CSMD1: variants seen among roughly 807,000 people sequenced by gnomAD.
CSMD1 encodes CUB and Sushi multiple domains 1, also known as CUB and sushi domain-containing protein 1.
CSMD1 carries 213 observed loss-of-function variants against 417.5 expected under a neutral mutation model. That is an observed-to-expected ratio of 0.51 (90% CI 0.46 to 0.57). The LOEUF (loss-of-function observed/expected upper bound fraction) is 0.57. CSMD1 is among the 20% of genes least tolerant of loss of function. The probability of loss-of-function intolerance (pLI) is 0.00; values close to 1 mark genes in which losing one functional copy is unlikely to be tolerated. For missense variants in CSMD1, 6,923 were observed against 4,529.7 expected (o/e 1.53, Z -15.17); for synonymous variants, 2,862 against 1,736.8 (o/e 1.65, Z -16.11).
chr8:4,666,762 T>C (rs1357507516), intron 1 of CSMD1, among the ~76,000 whole-genome samples: 5 of 152,202 alleles, frequency 3.3e-5, no homozygotes. Context: ...CTTCATCAGA[T>C]ATGTATTTTG....
At chr8:3,284,562 C>T (rs1051814715) in intron 25 of CSMD1, 2 of 554,634 alleles carry the variant, frequency 3.6e-6, no homozygotes, top group East Asian at 3.1e-5. Flanking sequence ...CTCAGTCTGT[C>T]ATGGACGCAG....
At chr8:4,214,502 T>G (rs1020432752) in intron 3 of CSMD1, among the ~76,000 whole-genome samples, 1 of 152,344 alleles carries the variant, frequency 6.6e-6, no homozygotes, top group East Asian at 1.9e-4. Context: ...CTTCCTCTGT[T>G]GCCCAGGTTG....
intron 1 of CSMD1, among the ~76,000 whole-genome samples, chr8:4,861,641 G>A (rs141865067): frequency 2.0e-5 from 3 of 152,174 alleles, no homozygotes; most frequent in South Asian, 4.1e-4. Flanking sequence ...AAATATATAT[G>A]CATTTAAAAC....
At chr8:3,666,832 A>C (rs1585042853) in intron 7 of CSMD1, among the ~76,000 whole-genome samples, 1 of 152,288 alleles carries the variant, frequency 6.6e-6, no homozygotes, top group African/African-American at 2.4e-5. Flanking sequence ...GAGTCCATTA[A>C]ATCTCTTTTT....
At chr8:4,527,165 C>A (rs1267742314) in intron 2 of CSMD1, among the ~76,000 whole-genome samples, 1 of 152,120 alleles carries the variant, frequency 6.6e-6, no homozygotes, top group African/African-American at 2.4e-5. Context: ...GACATAAGTG[C>A]ACATATAATT....
intron 3 of CSMD1, among the ~76,000 whole-genome samples, chr8:4,413,433 T>A (rs1382511138): frequency 6.6e-6 from 1 of 152,198 alleles, no homozygotes; most frequent in Non-Finnish European, 1.5e-5. Context: ...TTAGGGCAGT[T>A]CAGCGTCTCT....
chr8:3,439,309 A>ATATATATATAT, intron 12 of CSMD1, among the ~76,000 whole-genome samples: 33 of 62,422 alleles, frequency 5.3e-4, no homozygotes, highest in South Asian at 2.3e-3. Context: ...ATATATATAT[A>ATATATATATAT]TTTTTTTTTT....
intron 3 of CSMD1, among the ~76,000 whole-genome samples, chr8:4,184,467 G>C (rs564742381): frequency 7.4e-4 from 112 of 152,206 alleles, no homozygotes; most frequent in African/African-American, 2.4e-3. Context: ...AACCTCAAAG[G>C]CCACCAATGG....
intron 5 of CSMD1, among the ~76,000 whole-genome samples, chr8:3,925,666 C>T (rs187431195): frequency 2.6e-5 from 4 of 151,976 alleles, no homozygotes; most frequent in African/African-American, 7.2e-5. Context: ...TCCACTTTTG[C>T]CTCCTCCTCA....
chr8:3,468,777 T>C lies in CSMD1; in HGVS notation c.1496A>G (p.Gln499Arg). Residue 499 changes from glutamine (Q) to arginine (R), a missense_variant, in exon 12 of 70, where the codon CAG (glutamine) becomes CGG (arginine). Gln to Arg is a conservative substitution (Grantham distance 43). Coordinates refer to ENST00000635120, the MANE Select transcript of CSMD1 (RefSeq NM_033225.6). ...VPDLIVSMSN[Q>R]MWLHLQSDDS... ...ATCCGACTGCAGATGTAGCCACATCTGGTTGCTCATGCTCACAATGAGGTC... is the reference window on the plus strand; with the variant it reads ...ATCCGACTGCAGATGTAGCCACATCCGGTTGCTCATGCTCACAATGAGGTC... 1 of 1,605,974 alleles carries C rather than the reference T, an allele frequency of 6.2e-7. No homozygotes were observed. Among genetic ancestry groups the C allele is most frequent in the Non-Finnish European group, 8.5e-7 (1 of 1,176,310 alleles).
chr8:4,583,570 T>C (rs999580042), intron 2 of CSMD1, among the ~76,000 whole-genome samples: 1 of 151,466 alleles, frequency 6.6e-6, no homozygotes, highest in Non-Finnish European at 1.5e-5. Flanking sequence ...CACCCTGTAT[T>C]TACCTCAAGG....
At chr8:3,680,975 A>T (rs1434783163) in intron 7 of CSMD1, among the ~76,000 whole-genome samples, 1 of 152,238 alleles carries the variant, frequency 6.6e-6, no homozygotes, top group Non-Finnish European at 1.5e-5. Context: ...AAAGCCTTTG[A>T]CAAAATTCAA....
intron 3 of CSMD1, among the ~76,000 whole-genome samples, chr8:4,390,889 T>G (rs937109971): frequency 6.6e-6 from 1 of 152,162 alleles, no homozygotes; most frequent in Non-Finnish European, 1.5e-5. Context: ...TATGTTGTCC[T>G]TAGTCCCCCA....
Position 3,983,883 on chromosome 8 carries a change from G to C in CSMD1, c.818+14020C>G, listed in dbSNP as rs183401262. 4.6e-3 allele frequency among the ~76,000 whole-genome samples: 704 copies of C among 152,072 alleles called. 3 individuals are homozygous for C. Among genetic ancestry groups the C allele is most frequent in the African/African-American group, 0.016 (656 of 41,484 alleles). On this transcript the variant is annotated intron_variant, in intron 5 of 69. Transcript: ENST00000635120. ...CTAGAGCACACAGCAGATCTAATGG[G>C]ACTGTCAATTGCAGTTCTAGAGCAC... is the stretch of plus-strand genomic sequence containing the variant.
intron 3 of CSMD1, among the ~76,000 whole-genome samples, chr8:4,097,596 G>GC (rs1300164752): frequency 6.6e-6 from 1 of 152,176 alleles, no homozygotes; most frequent in African/African-American, 2.4e-5. Context: ...CACCCAGATT[G>GC]ATTAGCTTAT....
At chr8:3,525,171 C>G (rs983170759) in intron 10 of CSMD1, among the ~76,000 whole-genome samples, 2 of 152,106 alleles carry the variant, frequency 1.3e-5, no homozygotes, top group Non-Finnish European at 2.9e-5. Context: ...GTCTTCTTGT[C>G]TGTGTTCTGT....
chr8:3,367,677 C>T (rs1032561132), intron 19 of CSMD1, among the ~76,000 whole-genome samples: 1 of 151,802 alleles, frequency 6.6e-6, no homozygotes, highest in African/African-American at 2.4e-5. Flanking sequence ...TACTTAAGTG[C>T]ATATAAGTAC....
At chr8:4,394,258 T>C (rs923576181) in intron 3 of CSMD1, among the ~76,000 whole-genome samples, 2 of 152,306 alleles carry the variant, frequency 1.3e-5, no homozygotes, top group Non-Finnish European at 1.5e-5. Flanking sequence ...AGAAAACAAA[T>C]ATAAAAATTG....
At chr8:3,160,226 G>C (rs527385998) in intron 38 of CSMD1, among the ~76,000 whole-genome samples, 1 of 152,004 alleles carries the variant, frequency 6.6e-6, no homozygotes, top group African/African-American at 2.4e-5. Context: ...TGTTTCAAGC[G>C]ATCCACCCAC....
Sources: gnomAD v4.1 joint callset for allele counts (sites outside exome capture counted in the v4.1 genomes callset) on GRCh38, gnomAD v4.1.1 for gene constraint, MANE v1.5 for transcripts, NCBI Gene and HGNC (gene_info 2026-07-23, HGNC 2026-07-21) for gene names.